Variants in MAGI1 observed in about 807,000 individuals in gnomAD.
MAGI1 encodes membrane-associated guanylate kinase, WW and PDZ domain-containing protein 1.
In MAGI1, 58 loss-of-function variants were observed where a neutral mutation model predicts 139.9. The ratio of observed to expected loss-of-function variants is 0.41; its 90% CI spans 0.34 to 0.52. The LOEUF is 0.52. Among genes scored for constraint, MAGI1 ranks in the 20% least tolerant of loss-of-function variants. The probability of loss-of-function intolerance (pLI) is 0.12; values close to 1 mark genes in which losing one functional copy is unlikely to be tolerated. For missense variants in MAGI1, 1,874 were observed against 1,901.6 expected, an observed-to-expected ratio of 0.99 and a Z score of 0.27; for synonymous variants, 812 against 737.9, an observed-to-expected ratio of 1.10 and a Z score of -1.63.
intron 1 of MAGI1, among the ~76,000 whole-genome samples, chr3:65,958,286 T>C (rs1014200741): frequency 1.3e-5 from 2 of 152,236 alleles, no homozygotes; most frequent in South Asian, 4.1e-4. Flanking sequence ...TAGCTCAATA[T>C]TCTTAACATG....
chr3:65,486,305 C>G (rs886362551), intron 3 of MAGI1, among the ~76,000 whole-genome samples: 3 of 152,092 alleles, frequency 2.0e-5, no homozygotes, highest in African/African-American at 7.2e-5. Flanking sequence ...GAAGGAAAAC[C>G]TTTGCAATGC....
chr3:65,827,704 T>A (rs139944613), intron 1 of MAGI1, among the ~76,000 whole-genome samples: 2 of 152,274 alleles, frequency 1.3e-5, no homozygotes, highest in African/African-American at 4.8e-5. Context: ...TACAATAAAG[T>A]CCCAAGCTAC....
intron 17 of MAGI1, among the ~76,000 whole-genome samples, chr3:65,376,581 C>T (rs542740349): frequency 6.6e-6 from 1 of 152,306 alleles, no homozygotes; most frequent in African/African-American, 2.4e-5. Flanking sequence ...CAAGAAAGCA[C>T]CCAACCTTGA....
At chr3:65,612,594 T>A (rs2083180166) in intron 2 of MAGI1, among the ~76,000 whole-genome samples, 1 of 152,188 alleles carries the variant, frequency 6.6e-6, no homozygotes, top group Non-Finnish European at 1.5e-5. Context: ...GTTTAAATTT[T>A]GGGCAGCTCA....
intron 1 of MAGI1, among the ~76,000 whole-genome samples, chr3:65,838,865 T>A (rs1233253761): frequency 1.3e-5 from 2 of 152,240 alleles, no homozygotes; most frequent in Admixed American, 1.3e-4. Context: ...AGACTCAGCT[T>A]CTCTGCATCC....
In MAGI1 at chr3:65,864,112, C is replaced by CA. The variant is rs199966603; in HGVS notation, c.313+173883dup. Among the ~76,000 whole-genome samples the CA allele has an allele frequency of 6.0e-3, 900 of 150,774 alleles. 6 individuals are homozygous for CA. Among genetic ancestry groups the CA allele is most frequent in the South Asian group, 0.028 (134 of 4,782 alleles). ...GAAACAAAATGAAAAAAACGTAAAC[C>CA]AAAAAAAATAAGGTTATATAATAGC... On this transcript the variant is annotated intron_variant, in intron 1 of 22. Coordinates refer to ENST00000402939, the MANE Select transcript of MAGI1 (RefSeq NM_001033057.2).
At chr3:65,677,247 T>C (rs2087254016) in intron 1 of MAGI1, among the ~76,000 whole-genome samples, 1 of 150,888 alleles carries the variant, frequency 6.6e-6, no homozygotes, top group Non-Finnish European at 1.5e-5. Context: ...TTATTTTGTA[T>C]TGTTTGTTTG....
chr3:65,692,252 A>G (rs893712553), intron 1 of MAGI1, among the ~76,000 whole-genome samples: 2 of 152,212 alleles, frequency 1.3e-5, no homozygotes, highest in Admixed American at 6.5e-5. Context: ...AAATGTTTCA[A>G]TGGTCAACAA....
At chr3:65,530,648 T>G (rs2078615418) in intron 2 of MAGI1, among the ~76,000 whole-genome samples, 1 of 139,536 alleles carries the variant, frequency 7.2e-6, no homozygotes, top group African/African-American at 2.9e-5. Context: ...TGTGTGTGTG[T>G]GTGTGTGTGT....
chr3:65,798,852 T>C (rs2040326352), intron 1 of MAGI1, among the ~76,000 whole-genome samples: 1 of 152,222 alleles, frequency 6.6e-6, no homozygotes, highest in African/African-American at 2.4e-5. Context: ...ACCATTCCAC[T>C]GTGTCCAGCT....
chr3:65,506,064 T>C lies in MAGI1; in HGVS notation c.431-12433A>G, dbSNP rs533151503. On this transcript the variant is annotated intron_variant, in intron 2 of 22. Coordinates refer to ENST00000402939, the MANE Select transcript of MAGI1 (RefSeq NM_001033057.2). ...CCATGTTATGTCGTTTTCCTAAAAA[T>C]TGCAGGGATCTAAAGCTCTTTCAGA... Among the ~76,000 whole-genome samples the C allele has an allele frequency of 5.9e-5, 9 of 152,222 alleles. No individual in the cohort carries two copies. The East Asian group carries it at 9.7e-4, about 16-fold the overall frequency.
At chr3:65,608,573 A>G (rs1559715942) in intron 2 of MAGI1, among the ~76,000 whole-genome samples, 2 of 152,238 alleles carry the variant, frequency 1.3e-5, no homozygotes, top group African/African-American at 4.8e-5. Context: ...GCAAATTAAG[A>G]TCACAATGAG....
chr3:65,979,954 G>C (rs149342593), intron 1 of MAGI1, among the ~76,000 whole-genome samples: 5 of 152,162 alleles, frequency 3.3e-5, no homozygotes, highest in African/African-American at 1.2e-4. Context: ...CTGGCCTCTA[G>C]AGTGGGTCAC....
chr3:65,754,637 A>G (rs893982758), intron 1 of MAGI1, among the ~76,000 whole-genome samples: 1 of 152,240 alleles, frequency 6.6e-6, no homozygotes, highest in African/African-American at 2.4e-5. Flanking sequence ...CCTTAAAGGC[A>G]GTGCTAGTTT....
intron 1 of MAGI1, among the ~76,000 whole-genome samples, chr3:65,909,876 G>T (rs370419118): frequency 7.8e-4 from 119 of 152,218 alleles, no homozygotes; most frequent in African/African-American, 2.8e-3. Context: ...ATGGGCCAGG[G>T]GTGGGGGATG....
chr3:65,425,996 T>C (rs554860788), intron 12 of MAGI1, among the ~76,000 whole-genome samples: 5 of 152,208 alleles, frequency 3.3e-5, no homozygotes, highest in Non-Finnish European at 7.3e-5. Flanking sequence ...GATTTCTGAA[T>C]GCAGATGCTA....
intron 2 of MAGI1, among the ~76,000 whole-genome samples, chr3:65,526,671 C>T (rs1294250540): frequency 6.6e-6 from 1 of 152,166 alleles, no homozygotes; most frequent in African/African-American, 2.4e-5. Context: ...ATTTAACCCA[C>T]CTTCTCATCA....
intron 2 of MAGI1, among the ~76,000 whole-genome samples, chr3:65,613,552 T>C (rs1260078519): frequency 6.6e-6 from 1 of 152,196 alleles, no homozygotes; most frequent in East Asian, 1.9e-4. Context: ...GTTATGAGCT[T>C]TTACGTTTGT....
chr3:65,493,537 A>G lies in MAGI1; in HGVS notation c.525T>C (p.Thr175=). The G allele has an allele frequency of 6.2e-7, 1 of 1,614,160 alleles. No individual in the cohort carries two copies. Among genetic ancestry groups the G allele is most frequent in the South Asian group, 1.1e-5 (1 of 91,082 alleles). ...KEFLDLEQSG[T]LLEVGTYEGN... ...CTTCATAGGTGCCGACTTCCAGAAG[A>G]GTCCCACTCTGCTCGAGGTCCAAGA... is the stretch of plus-strand genomic sequence containing the variant. Residue 175 remains threonine, a synonymous_variant, in exon 3 of 23, where the codon ACT becomes ACC. Coordinates refer to ENST00000402939, the MANE Select transcript of MAGI1 (RefSeq NM_001033057.2).
Sources: allele counts gnomAD v4.1 joint callset (sites outside exome capture counted in the v4.1 genomes callset), GRCh38; gene constraint gnomAD v4.1.1; transcripts MANE v1.5; gene names NCBI Gene and HGNC (gene_info 2026-07-23, HGNC 2026-07-21).